Variants in ABLIM2 observed in about 807,000 individuals in gnomAD.
ABLIM2 encodes actin binding LIM protein family member 2, also known as actin-binding LIM protein 2.
A neutral mutation model predicts 97.7 loss-of-function variants in ABLIM2; 53 were observed. The observed-to-expected ratio is 0.54, with a 90% CI of 0.44 to 0.68. The LOEUF (loss-of-function observed/expected upper bound fraction) is 0.68, where lower values mean the gene tolerates loss of function less well. ABLIM2 is among the 30% of genes least tolerant of loss of function. The pLI is 0.00. For synonymous variants in ABLIM2, 361 were observed against 345.8 expected, an observed-to-expected ratio of 1.04 and a Z score of -0.49; for missense variants, 835 against 867.2, an observed-to-expected ratio of 0.96 and a Z score of 0.47.
rs1476312119 is a variant in ABLIM2 at position 8,150,601 on chromosome 4, C to G, written c.10+8079G>C. On this transcript the variant is annotated intron_variant, in intron 1 of 20. Transcript: ENST00000447017. The surrounding 1 kb of genome is among the most constrained non-coding windows in gnomAD (Gnocchi z 6.3). ...CCAAACTTCCAGCACAGGGTGCGAG[C>G]TCCGTGCCGGAGGCGGGAGGAGCCA... is the stretch of plus-strand genomic sequence containing the variant. 3.3e-5 allele frequency among the ~76,000 whole-genome samples: 5 copies of G among 152,220 alleles called. No individual in the cohort carries two copies. Among genetic ancestry groups the G allele is most frequent in the African/African-American group, 1.2e-4 (5 of 41,452 alleles).
At chr4:8,045,279 C>G (rs1216951961) in intron 8 of ABLIM2, 38 bp from the exon 9 acceptor site, 1 of 1,573,418 alleles carries the variant, frequency 6.4e-7, no homozygotes, top group South Asian at 1.1e-5. Flanking sequence ...AGGCAGGTAC[C>G]AACATTCGGG....
At position 8,082,090 on chromosome 4, in the gene ABLIM2, C is replaced by T. The variant is rs184911166; in HGVS notation, c.455-1288G>A. On this transcript the variant is annotated intron_variant, in intron 4 of 20. Coordinates refer to ENST00000447017, the MANE Select transcript of ABLIM2 (RefSeq NM_001130083.2). The surrounding 1 kb of genome is among the most constrained non-coding windows in gnomAD (Gnocchi z 5.6). ...TGGGGGCATGACAAGGGAAGGGCCT[C>T]GGACCCCGTAATGGACAGGGAGGAA... 4.6e-5 allele frequency among the ~76,000 whole-genome samples: 7 copies of T among 152,084 alleles called. No homozygotes were observed. The highest frequency in any genetic ancestry group is 2.0e-4 in the Admixed American group (3 of 15,264).
intron 1 of ABLIM2, among the ~76,000 whole-genome samples, chr4:8,141,020 G>A (rs562909697): frequency 6.6e-6 from 1 of 152,070 alleles, no homozygotes; most frequent in South Asian, 2.1e-4. Flanking sequence ...CCCTGCCCCT[G>A]TCTCCAGGCC....
At chr4:8,034,174 C>G (rs1178251153) in intron 10 of ABLIM2, among the ~76,000 whole-genome samples, 1 of 152,184 alleles carries the variant, frequency 6.6e-6, no homozygotes, top group East Asian at 1.9e-4. Context: ...GGACTCTCTT[C>G]CAGCATCTGG....
Position 8,054,112 on chromosome 4 carries a change from A to G in ABLIM2, c.822+76T>C. ...GACAATGAGCCTGTAGAATCTGGTCAGTGTCCTCTTAACTGTACAAAGATG... is the reference window on the plus strand; with the variant it reads ...GACAATGAGCCTGTAGAATCTGGTCGGTGTCCTCTTAACTGTACAAAGATG... On this transcript the variant is annotated intron_variant, in intron 8 of 20. Coordinates refer to ENST00000447017, the MANE Select transcript of ABLIM2 (RefSeq NM_001130083.2). The surrounding 1 kb of genome is among the most constrained non-coding windows in gnomAD (Gnocchi z 4.9). 1 of 1,525,860 alleles carries G rather than the reference A, an allele frequency of 6.6e-7. No individual in the cohort carries two copies. Among genetic ancestry groups the G allele is most frequent in the Non-Finnish European group, 9.1e-7 (1 of 1,100,834 alleles). 94.5% of individuals were successfully genotyped at this position (1,525,860 alleles called of 1,614,324 possible).
At chr4:7,985,640 T>C (rs922056560) in intron 17 of ABLIM2, among the ~76,000 whole-genome samples, 3 of 152,154 alleles carry the variant, frequency 2.0e-5, no homozygotes, top group Non-Finnish European at 4.4e-5. Flanking sequence ...GCCCCGTGTC[T>C]GTAAGGCCCC....
intron 6 of ABLIM2, among the ~76,000 whole-genome samples, chr4:8,064,782 G>A (rs1258146980): frequency 6.6e-6 from 1 of 152,128 alleles, no homozygotes; most frequent in African/African-American, 2.4e-5. Context: ...GGAGTCTGGG[G>A]CACCAGACCT....
intron 9 of ABLIM2, among the ~76,000 whole-genome samples, chr4:8,040,864 G>A (rs1395550542): frequency 3.3e-5 from 5 of 152,292 alleles, no homozygotes; most frequent in Middle Eastern, 3.4e-3. Flanking sequence ...TTGGGAGCAC[G>A]TGTCCTTGCA....
rs1775033836 is a variant in ABLIM2, at chr4:8,023,114, A to G, written c.1268-2811T>C. ...CTTCCATTTTTAAAAATTTCAGTAA[A>G]TGTTTCATTAGGAACAGCTTCAGGT... is the stretch of plus-strand genomic sequence containing the variant. On this transcript the variant is annotated intron_variant, in intron 12 of 20. Coordinates refer to ENST00000447017, the MANE Select transcript of ABLIM2 (RefSeq NM_001130083.2). This position sits in a 1 kb window ranked among gnomAD's most constrained non-coding sequence, Gnocchi z 5.7. The G allele has an allele frequency of 6.6e-6, 1 of 150,932 alleles. No homozygotes were observed. The highest frequency in any genetic ancestry group is 1.5e-5 in the Non-Finnish European group (1 of 67,968). The allele number at this position is 150,932 out of a possible 1,614,324, so 9.3% of individuals were successfully genotyped here.
rs1297026475 is a variant in ABLIM2, at chr4:8,127,704, T to C, written c.11-21067A>G. 28 of 1,240,924 alleles carry C rather than the reference T, an allele frequency of 2.3e-5. No homozygotes were observed. The highest frequency in any genetic ancestry group is 2.9e-5 in the Non-Finnish European group (28 of 959,722). 76.9% of individuals were successfully genotyped at this position (1,240,924 alleles called of 1,614,324 possible). On this transcript the variant is annotated intron_variant, in intron 1 of 20. Coordinates refer to ENST00000447017, the MANE Select transcript of ABLIM2 (RefSeq NM_001130083.2). This position sits in a 1 kb window ranked among gnomAD's most constrained non-coding sequence, Gnocchi z 7.3. ...TGTGGCCCACAGGGCTCCCACAAGG[T>C]CACGTGGCAGCTGCCACCCTCTGCC...
chr4:8,042,629 C>T (rs1001518466), intron 9 of ABLIM2, among the ~76,000 whole-genome samples: 4 of 152,132 alleles, frequency 2.6e-5, no homozygotes, highest in East Asian at 1.9e-4. Flanking sequence ...CACCTGAGGT[C>T]GGGAGTTTGA....
intron 20 of ABLIM2, 49 bp downstream of exon 20, chr4:7,983,215 G>A: frequency 1.3e-6 from 2 of 1,556,236 alleles, no homozygotes; most frequent in Non-Finnish European, 1.7e-6. Flanking sequence ...CATCTGCGGG[G>A]ACTCTCGCAT....
At chr4:8,091,951 T>C (rs954632350) in intron 3 of ABLIM2, among the ~76,000 whole-genome samples, 19 of 127,520 alleles carry the variant, frequency 1.5e-4, no homozygotes, top group African/African-American at 5.8e-4. Flanking sequence ...ATAATACATA[T>C]TATAATATAG....
intron 20 of ABLIM2, among the ~76,000 whole-genome samples, chr4:7,976,269 C>T (rs1166025320): frequency 6.6e-6 from 1 of 152,142 alleles, no homozygotes; most frequent in Non-Finnish European, 1.5e-5. Context: ...AAGTTCCGCC[C>T]CTTCGACTTC....
At chr4:8,156,929 G>A (rs1181907571) in intron 1 of ABLIM2, among the ~76,000 whole-genome samples, 1 of 152,248 alleles carries the variant, frequency 6.6e-6, no homozygotes, top group Non-Finnish European at 1.5e-5. Context: ...GTGGCCCGGA[G>A]AGCACACATT....
intron 1 of ABLIM2, among the ~76,000 whole-genome samples, chr4:8,152,063 G>T (rs1713058066): frequency 6.6e-6 from 1 of 152,074 alleles, no homozygotes; most frequent in Admixed American, 6.5e-5. Context: ...GCTGGAAAAT[G>T]GGAATAACAC....
At chr4:8,157,361 G>C (rs989040534) in intron 1 of ABLIM2, among the ~76,000 whole-genome samples, 2 of 152,238 alleles carry the variant, frequency 1.3e-5, no homozygotes, top group African/African-American at 4.8e-5. Flanking sequence ...TGTGTCTGGA[G>C]GTTCTGCCAA....
At chr4:7,991,254 T>A (rs1022259527) in intron 17 of ABLIM2, among the ~76,000 whole-genome samples, 1 of 151,096 alleles carries the variant, frequency 6.6e-6, no homozygotes, top group Admixed American at 6.6e-5. Flanking sequence ...CATGTGAGCC[T>A]AGAGAAGAAC....
In ABLIM2 at chr4:8,095,792, C is replaced by T. The variant is rs1324132861; in HGVS notation, c.338+1307G>A. 6.6e-6 allele frequency among the ~76,000 whole-genome samples: 1 copy of T among 152,154 alleles called. No homozygotes were observed. Among genetic ancestry groups the T allele is most frequent in the African/African-American group, 2.4e-5 (1 of 41,442 alleles). ...ATGAGACGCGACCTTTTGGTGTCCA[C>T]ACTGCATGCCCTGGGGTTCGACGAG... On this transcript the variant is annotated intron_variant, in intron 3 of 20. Coordinates refer to ENST00000447017, the MANE Select transcript of ABLIM2 (RefSeq NM_001130083.2). This position sits in a 1 kb window ranked among gnomAD's most constrained non-coding sequence, Gnocchi z 4.7.
Sources: gnomAD v4.1 joint callset for allele counts (sites outside exome capture counted in the v4.1 genomes callset) on GRCh38, gnomAD v4.1.1 for gene constraint, Gnocchi (gnomAD v3.1) non-coding constraint, MANE v1.5 for transcripts, NCBI Gene and HGNC (gene_info 2026-07-23, HGNC 2026-07-21) for gene names.